The following RGS6 variants were observed in gnomAD, a reference collection of about 807,000 sequenced individuals.
RGS6 encodes regulator of G-protein signaling 6.
Under a neutral mutation model 78.5 loss-of-function variants are expected in RGS6, and 30 were observed. The observed-to-expected ratio is 0.38, with a 90% confidence interval of 0.29 to 0.52. The LOEUF (loss-of-function observed/expected upper bound fraction) is 0.52. RGS6 is among the 20% of genes least tolerant of loss of function. RGS6 has a pLI of 0.85. For synonymous variants in RGS6, 206 were observed against 206.0 expected (o/e 1.00, Z 0.00); for missense variants, 495 against 609.7 (o/e 0.81, Z 1.98).
chr14:72,147,624 C>G (rs1233212893), intron 2 of RGS6, among the ~76,000 whole-genome samples: 3 of 152,162 alleles, frequency 2.0e-5, no homozygotes, highest in Non-Finnish European at 4.4e-5. Context: ...AGAACACATT[C>G]AAATCGTAGC....
At chr14:72,021,614 G>A (rs8015479) in intron 2 of RGS6, among the ~76,000 whole-genome samples, 19,917 of 151,290 alleles carry the variant, frequency 0.13, 1,376 homozygotes, top group Non-Finnish European at 0.15. Context: ...AATTACAGGC[G>A]CCTGCCACCA....
intron 1 of RGS6, among the ~76,000 whole-genome samples, chr14:71,960,335 C>T (rs892177953): frequency 1.3e-5 from 2 of 152,176 alleles, no homozygotes; most frequent in African/African-American, 4.8e-5. Flanking sequence ...TGGTTCATAT[C>T]AATAAACCTT....
the RGS6 span, among the ~76,000 whole-genome samples, chr14:71,924,425 A>G: frequency 1.3e-5 from 2 of 152,176 alleles, no homozygotes; most frequent in Non-Finnish European, 2.9e-5. Flanking sequence ...CTACTCTCTT[A>G]GCAAATTTCC....
Position 72,459,534 on chromosome 14 carries a change from G to C in RGS6, c.343-98G>C, listed in dbSNP as rs2095720126. ...GGGGTAGCATCAGCAAGAAGGAGATGGGGGAGAGCCTGCCATCAGGGAGGC... is the reference window on the plus strand; with the variant it reads ...GGGGTAGCATCAGCAAGAAGGAGATCGGGGAGAGCCTGCCATCAGGGAGGC... On this transcript the variant is annotated intron_variant, in intron 5 of 17. Transcript: ENST00000553525. 7 of 1,092,992 alleles carry C rather than the reference G, an allele frequency of 6.4e-6. No homozygotes were observed. In the South Asian group the frequency reaches 8.9e-5, roughly 14 times the overall value. 67.7% of individuals were successfully genotyped at this position (1,092,992 alleles called of 1,614,324 possible).
At chr14:72,443,035 A>C (rs2095258771) in intron 3 of RGS6, among the ~76,000 whole-genome samples, 1 of 152,140 alleles carries the variant, frequency 6.6e-6, no homozygotes, top group African/African-American at 2.4e-5. Context: ...GGGCTGGAAA[A>C]CCTGTAGCAA....
At chr14:71,964,667 T>G (rs1392379961) in intron 1 of RGS6, 105 bp from the exon 2 acceptor site, 7 of 716,110 alleles carry the variant, frequency 9.8e-6, no homozygotes, top group African/African-American at 3.5e-5. Flanking sequence ...TAATATCATG[T>G]TTTTGTTCAT....
chr14:72,539,862 G>C (rs534503946), intron 16 of RGS6, among the ~76,000 whole-genome samples, 179 bp from the exon 17 acceptor site: 2 of 152,294 alleles, frequency 1.3e-5, no homozygotes, highest in Admixed American at 6.5e-5. Context: ...TCTGTCTTCT[G>C]TCTCTCCCAT....
chr14:72,326,413 C>T (rs1000785172), intron 2 of RGS6, among the ~76,000 whole-genome samples: 1 of 152,008 alleles, frequency 6.6e-6, no homozygotes, highest in South Asian at 2.1e-4. Flanking sequence ...ATGTAATTCC[C>T]AGTGTTGGAG....
At chr14:72,354,995 A>G (rs960205373) in intron 3 of RGS6, among the ~76,000 whole-genome samples, 5 of 151,978 alleles carry the variant, frequency 3.3e-5, no homozygotes, top group South Asian at 4.1e-4. Flanking sequence ...GTTTGTATCT[A>G]TTTCACAGGC....
intron 13 of RGS6, among the ~76,000 whole-genome samples, chr14:72,509,258 G>A (rs1056380572): frequency 5.9e-5 from 9 of 151,838 alleles, no homozygotes; most frequent in South Asian, 2.1e-4. Context: ...CCCGCTATTC[G>A]GGAGGCTGAG....
intron 2 of RGS6, among the ~76,000 whole-genome samples, chr14:71,970,291 C>T (rs190443787): frequency 9.9e-5 from 15 of 152,204 alleles, no homozygotes; most frequent in African/African-American, 2.9e-4. Context: ...TGCCTAGCCT[C>T]GTCACTGATG....
intron 16 of RGS6, among the ~76,000 whole-genome samples, chr14:72,538,175 C>T (rs2153503919): frequency 6.6e-6 from 1 of 152,284 alleles, no homozygotes; most frequent in African/African-American, 2.4e-5. Flanking sequence ...ATTTGTAACT[C>T]GGCACTTTCA....
intron 2 of RGS6, among the ~76,000 whole-genome samples, chr14:72,286,983 C>A (rs2062685006): frequency 1.3e-5 from 2 of 152,140 alleles, no homozygotes; most frequent in Admixed American, 6.5e-5. Flanking sequence ...GGGGTTTCAC[C>A]ATGTTGGCCA....
At chr14:71,930,449 T>C (rs887754958), upstream of RGS6, among the ~76,000 whole-genome samples, 18 of 152,206 alleles carry the variant, frequency 1.2e-4, no homozygotes, top group African/African-American at 4.1e-4. Flanking sequence ...TGAAATCAGA[T>C]ATTTTATGTA....
chr14:72,438,062 G>T (rs1304073108), intron 3 of RGS6, among the ~76,000 whole-genome samples: 1 of 152,192 alleles, frequency 6.6e-6, no homozygotes, highest in Non-Finnish European at 1.5e-5. Context: ...CAGGAAAAAG[G>T]GGGGTGGAAA....
At chr14:72,494,509 A>G (rs1400088067) in intron 12 of RGS6, among the ~76,000 whole-genome samples, 1 of 152,188 alleles carries the variant, frequency 6.6e-6, no homozygotes, top group Non-Finnish European at 1.5e-5. Context: ...CTTTTTTAGT[A>G]TATATAATCA....
At chr14:72,385,851 A>AT in intron 3 of RGS6, among the ~76,000 whole-genome samples, 1 of 152,222 alleles carries the variant, frequency 6.6e-6, no homozygotes, top group East Asian at 1.9e-4. Context: ...ATTTGTCAAT[A>AT]TAGCCCAAAT....
At chr14:72,254,266 C>G (rs1283462133) in intron 2 of RGS6, among the ~76,000 whole-genome samples, 4 of 152,202 alleles carry the variant, frequency 2.6e-5, no homozygotes, top group Non-Finnish European at 5.9e-5. Context: ...GCTGCACAAG[C>G]CATGTTCTCC....
At position 72,415,429 on chromosome 14, in the gene RGS6, T is replaced by C. The variant is rs117605676; in HGVS notation, c.185-39099T>C. Among the ~76,000 whole-genome samples the C allele has an allele frequency of 7.9e-3, 1,204 of 152,356 alleles. 43 individuals carry two copies. The highest frequency in any genetic ancestry group is 0.052 in the East Asian group (270 of 5,178). ...GTGGAAGTGACCCAATTTTCTGGGTTCCGTCTGTCACCCCTTTCTTTGACT... is the reference window on the plus strand; with the variant it reads ...GTGGAAGTGACCCAATTTTCTGGGTCCCGTCTGTCACCCCTTTCTTTGACT... On this transcript the variant is annotated intron_variant, in intron 3 of 17. Coordinates refer to ENST00000553525, the MANE Select transcript of RGS6 (RefSeq NM_001204424.2).
Sources: allele counts gnomAD v4.1 joint callset (sites outside exome capture counted in the v4.1 genomes callset), GRCh38; gene constraint gnomAD v4.1.1; transcripts MANE v1.5; gene names NCBI Gene and HGNC (gene_info 2026-07-23, HGNC 2026-07-21).